Variants in DDHD1 observed in about 807,000 individuals in gnomAD.
The protein encoded by DDHD1 is phospholipase DDHD1.
A neutral mutation model predicts 96.4 loss-of-function variants in DDHD1; 49 were observed. That is an observed-to-expected ratio of 0.51 (90% CI 0.40 to 0.64). The LOEUF (loss-of-function observed/expected upper bound fraction) is 0.64. Ranked by LOEUF, DDHD1 falls within the 30% of genes least tolerant of loss-of-function variation. The pLI is 0.00. For missense variants in DDHD1, 1,106 were observed against 1,161.2 expected, an observed-to-expected ratio of 0.95 and a Z score of 0.69; for synonymous variants, 442 against 446.5, an observed-to-expected ratio of 0.99 and a Z score of 0.13.
intron 1 of DDHD1, among the ~76,000 whole-genome samples, chr14:53,112,420 A>C (rs1298480056): frequency 6.6e-6 from 1 of 152,140 alleles, no homozygotes; most frequent in Non-Finnish European, 1.5e-5. Context: ...CATCTCAAAA[A>C]AAAAAAAAAA....
intron 1 of DDHD1, among the ~76,000 whole-genome samples, chr14:53,146,273 G>A (rs548892276): frequency 1.1e-3 from 164 of 152,186 alleles, no homozygotes; most frequent in Non-Finnish European, 1.8e-3. Context: ...GGAGGCCAAG[G>A]TGGGTGAATT....
In DDHD1 at chr14:53,072,709, A is replaced by T. The variant is rs774602379; in HGVS notation, c.1397-6T>A. On this transcript the variant is annotated splice_region_variant and splice_polypyrimidine_tract_variant and intron_variant, in intron 5 of 12. Transcript: ENST00000673822. ...AGTAATGGAATCAACAGTGTCTACA[A>T]AAACAAACAAAAAAAGCAAGTTAAC... The T allele has an allele frequency of 6.3e-7, 1 of 1,585,446 alleles. No homozygotes were observed.
intron 1 of DDHD1, among the ~76,000 whole-genome samples, chr14:53,110,901 G>A (rs372690917): frequency 5.9e-5 from 9 of 152,102 alleles, no homozygotes; most frequent in Non-Finnish European, 1.3e-4. Context: ...TCTTGAACCC[G>A]GGAGGCGGAG....
intron 1 of DDHD1, among the ~76,000 whole-genome samples, chr14:53,118,245 G>C (rs1280370145): frequency 6.6e-6 from 1 of 152,186 alleles, no homozygotes; most frequent in African/African-American, 2.4e-5. Context: ...AAAAAACAGA[G>C]CGCCTCTTCT....
chr14:53,058,510 C>T lies in DDHD1; in HGVS notation c.1959G>A (p.Arg653=). ...DHILPREICN[R]LLNIFHPTDP... ...CTGTAGGATGAAAAATATTTAGTAA[C>T]CGGTTACAAATCTCTCTAGGCAAAA... The change falls in exon 9 of 13, where the codon CGG becomes CGA. Residue 653 remains arginine, a synonymous_variant. Transcript: ENST00000673822. 1 of 1,613,068 alleles carries T rather than the reference C, an allele frequency of 6.2e-7. No homozygotes were observed. Among genetic ancestry groups the T allele is most frequent in the Non-Finnish European group, 8.5e-7 (1 of 1,179,722 alleles).
At chr14:53,075,270 T>C (rs1884859219) in intron 4 of DDHD1, among the ~76,000 whole-genome samples, 1 of 152,128 alleles carries the variant, frequency 6.6e-6, no homozygotes, top group Non-Finnish European at 1.5e-5. Context: ...AAGGGAAAAG[T>C]TCTTGAAGGA....
intron 1 of DDHD1, among the ~76,000 whole-genome samples, chr14:53,126,915 A>T (rs1226798847): frequency 6.6e-6 from 1 of 152,228 alleles, no homozygotes; most frequent in Non-Finnish European, 1.5e-5. Context: ...AGTCAGGAGG[A>T]TTAACTAGCT....
In DDHD1 at chr14:53,121,690, C is replaced by A. The variant is rs143845729; in HGVS notation, c.839-17834G>T. Among the ~76,000 whole-genome samples the A allele has an allele frequency of 2.6e-3, 390 of 152,224 alleles. 2 individuals are homozygous for A. Among genetic ancestry groups the A allele is most frequent in the African/African-American group, 9.1e-3 (378 of 41,524 alleles). ...TAACACAGGAACAGAAAACCAAATACCCCATGTTCTCAGTCAAAAGTGGGA... is the reference window on the plus strand; with the variant it reads ...TAACACAGGAACAGAAAACCAAATAACCCATGTTCTCAGTCAAAAGTGGGA... On this transcript the variant is annotated intron_variant, in intron 1 of 12. Transcript: ENST00000673822.
At chr14:53,109,780 T>C (rs1566573789) in intron 1 of DDHD1, among the ~76,000 whole-genome samples, 1 of 152,180 alleles carries the variant, frequency 6.6e-6, no homozygotes, top group Admixed American at 6.5e-5. Flanking sequence ...AACTAAATAA[T>C]TTGCTTAAAG....
chr14:53,053,069 A>G (rs1882742981), intron 11 of DDHD1: 2 of 151,858 alleles, frequency 1.3e-5, no homozygotes, highest in African/African-American at 4.8e-5. Context: ...GTTAAACCCT[A>G]CCCTGCTCTT....
intron 7 of DDHD1, among the ~76,000 whole-genome samples, chr14:53,062,320 T>C (rs1883655212): frequency 6.6e-6 from 1 of 151,972 alleles, no homozygotes; most frequent in Non-Finnish European, 1.5e-5. Context: ...TAGTAAATTA[T>C]CAAAATGAGT....
At chr14:53,084,845 G>A (rs756525495) in intron 4 of DDHD1, among the ~76,000 whole-genome samples, 25 of 152,344 alleles carry the variant, frequency 1.6e-4, no homozygotes, top group Non-Finnish European at 2.8e-4. Context: ...GGAGGCGCAA[G>A]GGGTCTGGGG....
chr14:53,083,750 G>C (rs1046488584), intron 4 of DDHD1, among the ~76,000 whole-genome samples: 2 of 151,996 alleles, frequency 1.3e-5, no homozygotes, highest in African/African-American at 4.8e-5. Context: ...CAGGGAAATG[G>C]TAAGAAATCC....
rs747331714 is a variant in DDHD1 at position 53,152,713 on chromosome 14, T to G, written c.386A>C (p.Asn129Thr). The change falls in exon 1 of 13, where the codon AAC becomes ACC. Residue 129 changes from asparagine to threonine, a missense_variant. Physicochemically the swap from Asn to Thr is moderately conservative, Grantham distance 65. This residue lies in a region of DDHD1 where 456 missense variants were observed against 402.4 expected (regional missense o/e 1.13). Transcript: ENST00000673822. Reference protein sequence around the residue: ...PPQQPPLVPTNSGGGGATGGS... With the variant: ...PPQQPPLVPTTSGGGGATGGS... ...TCCTGTCGCGCCGCCGCCCCCCGAGTTCGTCGGGACCAGCGGAGGCTGCTG... is the reference window on the plus strand; with the variant it reads ...TCCTGTCGCGCCGCCGCCCCCCGAGGTCGTCGGGACCAGCGGAGGCTGCTG... 13 of 1,605,904 alleles carry G rather than the reference T, an allele frequency of 8.1e-6. No homozygotes were observed. The East Asian group carries it at 2.9e-4, about 36-fold the overall frequency.
intron 9 of DDHD1, among the ~76,000 whole-genome samples, chr14:53,056,932 A>T (rs1883103590): frequency 6.6e-6 from 1 of 152,238 alleles, no homozygotes; most frequent in African/African-American, 2.4e-5. Context: ...ACAATGAATA[A>T]AATGAGTATA....
At position 53,073,656 on chromosome 14, in the gene DDHD1, CAA is replaced by C. The variant is rs35986475; in HGVS notation, c.1396+83_1396+84del. Reference sequence around the variant, plus strand: ...TTGAAGACACTACATTCTCAATTAACAAAAAGTGTTTTCTAAAACTTTCTGCA... The same window carrying C: ...TTGAAGACACTACATTCTCAATTAACAAAGTGTTTTCTAAAACTTTCTGCA... On this transcript the variant is annotated intron_variant, in intron 5 of 12. Coordinates refer to ENST00000673822, the MANE Select transcript of DDHD1 (RefSeq NM_001160148.2). The C allele has an allele frequency of 2.7e-6, 3 of 1,128,912 alleles. No homozygotes were observed. The African/African-American group carries it at 4.7e-5, about 18-fold the overall frequency. The allele number at this position is 1,128,912 out of a possible 1,614,324, so 69.9% of individuals were successfully genotyped here. A position where few individuals can be genotyped will look rare whatever the true frequency, so the allele number is the denominator to read the frequency against.
intron 6 of DDHD1, among the ~76,000 whole-genome samples, chr14:53,070,506 T>C (rs1336002103): frequency 6.6e-6 from 1 of 152,202 alleles, no homozygotes; most frequent in African/African-American, 2.4e-5. Context: ...TTGTTATTGC[T>C]CACTTGAATT....
At chr14:53,099,335 T>G (rs1887124890) in intron 2 of DDHD1, among the ~76,000 whole-genome samples, 1 of 152,212 alleles carries the variant, frequency 6.6e-6, no homozygotes, top group African/African-American at 2.4e-5. Flanking sequence ...TTTCTCTAGT[T>G]TTTCCACTAG....
At chr14:53,087,106 C>G (rs549021573) in intron 4 of DDHD1, among the ~76,000 whole-genome samples, 4 of 151,728 alleles carry the variant, frequency 2.6e-5, no homozygotes, top group Non-Finnish European at 5.9e-5. Context: ...ACAAGAAGAG[C>G]TAACTATCCT....
Sources: gnomAD v4.1 joint callset for allele counts (sites outside exome capture counted in the v4.1 genomes callset) on GRCh38, gnomAD v4.1.1 for gene constraint, gnomAD v4.1.1 regional missense constraint, MANE v1.5 for transcripts, NCBI Gene and HGNC (gene_info 2026-07-23, HGNC 2026-07-21) for gene names.